The following ADGRA2 variants were observed in gnomAD, a reference collection of about 807,000 sequenced individuals.
The protein encoded by ADGRA2 is G-protein coupled receptor 124.
ADGRA2 carries 61 observed loss-of-function variants against 98.7 expected under a neutral mutation model. The observed-to-expected ratio is 0.62, with a 90% CI of 0.50 to 0.76. The LOEUF (loss-of-function observed/expected upper bound fraction) is 0.76. ADGRA2 is among the 30% of genes least tolerant of loss of function. The pLI, the probability that ADGRA2 is intolerant of heterozygous loss-of-function variation, is 0.00. For missense variants in ADGRA2, 1,712 were observed against 1,860.0 expected (o/e 0.92, Z 1.46); for synonymous variants, 858 against 831.5 (o/e 1.03, Z -0.55).
chr8:37,827,616 C>T (rs533880203), intron 2 of ADGRA2, among the ~76,000 whole-genome samples: 2 of 152,318 alleles, frequency 1.3e-5, no homozygotes, highest in South Asian at 4.1e-4. Flanking sequence ...TCCTGTCTCC[C>T]GACACTGCGG....
intron 1 of ADGRA2, among the ~76,000 whole-genome samples, chr8:37,812,356 G>C (rs1388154725): frequency 6.6e-6 from 1 of 152,058 alleles, no homozygotes; most frequent in Non-Finnish European, 1.5e-5. Context: ...GGCTGGGCGC[G>C]GTGGCTCACG....
At position 37,837,832 on chromosome 8, in the gene ADGRA2, C is replaced by G; in HGVS notation, c.2152C>G (p.Pro718Ala). Residue 718 changes from proline to alanine, a missense_variant, in exon 14 of 19, where the codon CCC (proline) becomes GCC (alanine). By Grantham distance (27) the Pro-to-Ala change is conservative. Transcript: ENST00000412232. ...GGCCGCTTGGTGGAGCCAGGAGGGG[C>G]CCGGGGAGGCTGGGGGCTGGACCTC... ...PVAAWWSQEGPGEAGGWTSEG... is the reference protein window; with the variant it reads ...PVAAWWSQEGAGEAGGWTSEG... 1.3e-6 allele frequency: 2 copies of G among 1,531,044 alleles called. No homozygotes were observed. Among genetic ancestry groups the G allele is most frequent in the Non-Finnish European group, 1.8e-6 (2 of 1,137,378 alleles). 94.8% of individuals were successfully genotyped at this position (1,531,044 alleles called of 1,614,324 possible).
rs1417704005 is a variant in ADGRA2, at chr8:37,831,573, C to T, written c.1083C>T (p.Asn361=). Residue 361 remains asparagine (N), a synonymous_variant, in exon 8 of 19, where the codon AAC becomes AAT. Coordinates refer to ENST00000412232, the MANE Select transcript of ADGRA2 (RefSeq NM_032777.10). ...SYCPAERVAN[N]RGDFRWPRTL... ...GCCCCGCCGAGCGTGTTGCCAACAACCGCGGGGACTTCAGGTTTGGCCCAC... is the reference window on the plus strand; with the variant it reads ...GCCCCGCCGAGCGTGTTGCCAACAATCGCGGGGACTTCAGGTTTGGCCCAC... 1 of 1,613,780 alleles carries T rather than the reference C, an allele frequency of 6.2e-7. No individual in the cohort carries two copies. Among genetic ancestry groups the T allele is most frequent in the Non-Finnish European group, 8.5e-7 (1 of 1,180,012 alleles).
rs746752930 is a variant in ADGRA2 at position 37,844,878 on chromosome 8, C to T, written c.*2523C>T. The T allele has an allele frequency of 7.4e-6, 12 of 1,614,078 alleles. No homozygotes were observed. Among genetic ancestry groups the T allele is most frequent in the East Asian group, 6.7e-5 (3 of 44,888 alleles). Reference sequence around the variant, plus strand: ...GTCACCGATGTGCTTCACCACAGACCGTTTGTCAAGTCTCAGAACTCGTAA... The same window carrying T: ...GTCACCGATGTGCTTCACCACAGACTGTTTGTCAAGTCTCAGAACTCGTAA... On this transcript the variant is annotated 3_prime_UTR_variant, in exon 19 of 19. Coordinates refer to ENST00000412232, the MANE Select transcript of ADGRA2 (RefSeq NM_032777.10).
In ADGRA2 at chr8:37,841,604, C is replaced by T; in HGVS notation, c.3266C>T (p.Pro1089Leu). The T allele has an allele frequency of 6.4e-7, 1 of 1,564,260 alleles. No individual in the cohort carries two copies. The highest frequency in any genetic ancestry group is 8.7e-7 in the Non-Finnish European group (1 of 1,155,184). Residue 1089 changes from proline to leucine, a missense_variant, in exon 19 of 19, where the codon CCC becomes CTC. Transcript: ENST00000412232. This position sits in a 1 kb window ranked among gnomAD's most constrained non-coding sequence, Gnocchi z 5.0. The stretch of plus-strand genomic sequence containing the variant: ...CGCGCCTGCTGCCCCCCTGCCTCTC[C>T]CGCGGCCCCCCATGCCCCGCCCCGG... ...SWRACCPPAS[P>L]AAPHAPPRAL... is the part of the protein sequence containing the mutation.
chr8:37,840,382 GA>G (rs1176918156), intron 17 of ADGRA2, 116 bp downstream of exon 17: 1 of 1,134,410 alleles, frequency 8.8e-7, no homozygotes, highest in Admixed American at 1.7e-5. Flanking sequence ...ACTCTCCAAA[GA>G]CGGGGGAGGC....
chr8:37,828,271 C>T (rs1805339035), intron 2 of ADGRA2, among the ~76,000 whole-genome samples: 1 of 152,166 alleles, frequency 6.6e-6, no homozygotes, highest in African/African-American at 2.4e-5. Context: ...TCAAATGCTT[C>T]CCAGGGCAAC....
At chr8:37,811,166 G>GTTT (rs1310638484) in intron 1 of ADGRA2, among the ~76,000 whole-genome samples, 78 of 99,584 alleles carry the variant, frequency 7.8e-4, no homozygotes, top group Non-Finnish European at 1.3e-3. Flanking sequence ...GTGTGTGTGT[G>GTTT]TGTTTTTTTT....
chr8:37,826,877 TC>T (rs1805299335), intron 2 of ADGRA2, among the ~76,000 whole-genome samples: 1 of 146,060 alleles, frequency 6.8e-6, no homozygotes, highest in Admixed American at 6.7e-5. Flanking sequence ...GGGCCAAGAG[TC>T]CCCTCAGCCC....
In ADGRA2 at chr8:37,840,237, C is replaced by G. The variant is rs754209123; in HGVS notation, c.2628C>G (p.Pro876=). 1.1e-5 allele frequency: 18 copies of G among 1,612,926 alleles called. No individual in the cohort carries two copies. The highest frequency in any genetic ancestry group is 1.5e-5 in the Non-Finnish European group (18 of 1,179,956). Residue 876 remains proline, a synonymous_variant, in exon 17 of 19, where the codon CCC becomes CCG. Transcript: ENST00000412232. ...WRAPPPQEGD[P]ALPTPSPMLR... ...CACCCCCTCCGCAAGAAGGGGACCCCGCTCTGCCTACTCCCAGTCCTATGC... is the reference window on the plus strand; with the variant it reads ...CACCCCCTCCGCAAGAAGGGGACCCGGCTCTGCCTACTCCCAGTCCTATGC...
chr8:37,838,086 G>A (rs1805672021), intron 14 of ADGRA2, 147 bp downstream of exon 14: 5 of 703,932 alleles, frequency 7.1e-6, no homozygotes, highest in Non-Finnish European at 1.1e-5. Flanking sequence ...GGTGGGATGT[G>A]GGGAAATGGC....
intron 1 of ADGRA2, among the ~76,000 whole-genome samples, chr8:37,800,447 T>A (rs1804468438): frequency 6.6e-6 from 1 of 152,208 alleles, no homozygotes; most frequent in Non-Finnish European, 1.5e-5. Flanking sequence ...CTTCTCCCGC[T>A]CTATCTTGGT....
chr8:37,832,518 T>C (rs1805487907), intron 8 of ADGRA2, among the ~76,000 whole-genome samples: 1 of 152,110 alleles, frequency 6.6e-6, no homozygotes, highest in African/African-American at 2.4e-5. Flanking sequence ...TTATCTTCTG[T>C]AGAGACAGGG....
Position 37,841,676 on chromosome 8 carries a change from GC to G in ADGRA2, c.3345del (p.Ser1116ProfsTer187), listed in dbSNP as rs977678327. On this transcript the variant is annotated frameshift_variant, in exon 19 of 19. Transcript: ENST00000412232. LOFTEE classifies it low-confidence loss of function (END_TRUNC). The surrounding 1 kb of genome is among the most constrained non-coding windows in gnomAD (Gnocchi z 5.0). ...GACGGTTCCCCGGTGTTCGGGGAGG[GC>G]CCCCCCTCCCTCAAGTCCTCCCCAA... ...AEDGSPVFGE[G>X]PPSLKSSPSG... The G allele has an allele frequency of 4.4e-5, 68 of 1,530,458 alleles. No homozygotes were observed. Among genetic ancestry groups the G allele is most frequent in the Admixed American group, 6.3e-5 (3 of 47,908 alleles). The allele number at this position is 1,530,458 out of a possible 1,614,324, so 94.8% of individuals were successfully genotyped here. A position where few individuals can be genotyped will look rare whatever the true frequency, so the allele number is the denominator to read the frequency against.
At chr8:37,807,936 G>A (rs1298798665) in intron 1 of ADGRA2, among the ~76,000 whole-genome samples, 4 of 152,206 alleles carry the variant, frequency 2.6e-5, no homozygotes, top group Admixed American at 2.6e-4. Flanking sequence ...ATGTGCCCAC[G>A]TGACTCCTGC....
chr8:37,825,193 C>G (rs1327029097), intron 2 of ADGRA2, among the ~76,000 whole-genome samples: 1 of 152,136 alleles, frequency 6.6e-6, no homozygotes, highest in Non-Finnish European at 1.5e-5. Flanking sequence ...ACAAGCTACT[C>G]TAGCTTCACC....
At chr8:37,839,753 C>A in intron 16 of ADGRA2, 131 bp downstream of exon 16, 1 of 1,179,746 alleles carries the variant, frequency 8.5e-7, no homozygotes, top group South Asian at 1.4e-5. Flanking sequence ...TCCTCTGTGG[C>A]AGCCTTGGAA....
At chr8:37,831,657 T>C (rs1366550702) in intron 8 of ADGRA2, 70 bp downstream of exon 8, 1 of 1,414,884 alleles carries the variant, frequency 7.1e-7, no homozygotes, top group Non-Finnish European at 9.9e-7. Context: ...ACATCACAGG[T>C]GGCCAGAGTT....
intron 2 of ADGRA2, among the ~76,000 whole-genome samples, chr8:37,815,737 C>T (rs1408860089): frequency 6.6e-6 from 1 of 152,212 alleles, no homozygotes; most frequent in East Asian, 1.9e-4. Context: ...AGACCTCACT[C>T]AGCCACTTGG....
Sources: gnomAD v4.1 joint callset for allele counts (sites outside exome capture counted in the v4.1 genomes callset) on GRCh38, gnomAD v4.1.1 for gene constraint, Gnocchi (gnomAD v3.1) non-coding constraint, MANE v1.5 for transcripts, NCBI Gene and HGNC (gene_info 2026-07-23, HGNC 2026-07-21) for gene names.